Variants in CDH13 observed in about 807,000 individuals in gnomAD.
CDH13 encodes cadherin-13.
In CDH13, 24 loss-of-function variants were observed where a neutral mutation model predicts 63.8. The ratio of observed to expected loss-of-function variants is 0.38; its 90% confidence interval spans 0.27 to 0.53. The LOEUF is 0.53. CDH13 is among the 20% of genes least tolerant of loss of function. CDH13 has a pLI of 0.85. For missense variants in CDH13, 1,049 were observed against 903.1 expected, an observed-to-expected ratio of 1.16 and a Z score of -2.07; for synonymous variants, 503 against 355.3, an observed-to-expected ratio of 1.42 and a Z score of -4.67.
chr16:83,057,050 T>C (rs778340266), intron 3 of CDH13, among the ~76,000 whole-genome samples: 2 of 152,198 alleles, frequency 1.3e-5, no homozygotes, highest in African/African-American at 2.4e-5. Context: ...CACTGCAACC[T>C]CTGACTCCCT....
intron 2 of CDH13, among the ~76,000 whole-genome samples, chr16:82,963,804 A>G (rs1484372046): frequency 1.3e-5 from 2 of 152,188 alleles, no homozygotes; most frequent in Admixed American, 1.3e-4. Context: ...CGGGAAGCCC[A>G]GGGGAACAGC....
intron 8 of CDH13, among the ~76,000 whole-genome samples, chr16:83,662,073 T>C (rs561440754): frequency 6.6e-6 from 1 of 152,248 alleles, no homozygotes; most frequent in East Asian, 1.9e-4. Flanking sequence ...AGGGGGACAT[T>C]AGTATCAGTC....
intron 8 of CDH13, among the ~76,000 whole-genome samples, chr16:83,626,218 C>T (rs554833231): frequency 1.3e-5 from 2 of 152,200 alleles, no homozygotes; most frequent in Non-Finnish European, 2.9e-5. Flanking sequence ...CCGCGTGTGC[C>T]GGTTTCATCT....
intron 1 of CDH13, among the ~76,000 whole-genome samples, chr16:82,638,352 C>T (rs1033514100): frequency 2.0e-5 from 3 of 152,200 alleles, no homozygotes; most frequent in African/African-American, 7.2e-5. Flanking sequence ...CCCTGCCCAG[C>T]CATTTACACA....
At chr16:82,810,182 A>G (rs746361042) in intron 1 of CDH13, among the ~76,000 whole-genome samples, 2 of 152,224 alleles carry the variant, frequency 1.3e-5, no homozygotes, top group African/African-American at 2.4e-5. Flanking sequence ...TCCAGAGACA[A>G]CATTTTGAAT....
intron 1 of CDH13, among the ~76,000 whole-genome samples, chr16:82,830,642 G>A (rs2549159): frequency 0.55 from 83,285 of 152,124 alleles, 23,876 homozygotes; most frequent in East Asian, 0.96. Flanking sequence ...TACCTGCTCA[G>A]TGTCTTCTCA....
At chr16:82,961,466 G>T (rs1173319750) in intron 2 of CDH13, among the ~76,000 whole-genome samples, 2 of 150,318 alleles carry the variant, frequency 1.3e-5, no homozygotes, top group Non-Finnish European at 3.0e-5. Flanking sequence ...GATGATTTGT[G>T]AAAGAGTTGA....
chr16:83,064,058 C>T (rs371187865), intron 3 of CDH13, among the ~76,000 whole-genome samples: 66 of 152,222 alleles, frequency 4.3e-4, no homozygotes, highest in South Asian at 3.1e-3. Flanking sequence ...AAAATATACA[C>T]TCTGGATTTA....
chr16:82,780,612 C>T (rs2035709215), intron 1 of CDH13, among the ~76,000 whole-genome samples: 2 of 152,120 alleles, frequency 1.3e-5, no homozygotes, highest in Non-Finnish European at 2.9e-5. Context: ...GAGTAGCATA[C>T]CTAATAGTGG....
At chr16:83,714,075 G>C (rs1426638582) in intron 10 of CDH13, among the ~76,000 whole-genome samples, 1 of 152,126 alleles carries the variant, frequency 6.6e-6, no homozygotes, top group Non-Finnish European at 1.5e-5. Context: ...CCAAAACTCT[G>C]GGGCAGTGAG....
chr16:82,773,067 G>A (rs1225982846), intron 1 of CDH13, among the ~76,000 whole-genome samples: 3 of 152,282 alleles, frequency 2.0e-5, no homozygotes, highest in African/African-American at 4.8e-5. Context: ...AAATCTCATC[G>A]AGGGATGGAA....
chr16:83,674,094 C>T (rs1332157376), intron 9 of CDH13, among the ~76,000 whole-genome samples: 1 of 152,240 alleles, frequency 6.6e-6, no homozygotes, highest in Admixed American at 6.5e-5. Flanking sequence ...ATGCTCTCTG[C>T]TGCTGTCCAC....
intron 7 of CDH13, among the ~76,000 whole-genome samples, chr16:83,548,425 C>T (rs183659349): frequency 1.9e-4 from 29 of 152,230 alleles, no homozygotes; most frequent in African/African-American, 6.7e-4. Context: ...GCAGCCCCTC[C>T]CCCAACAGCA....
chr16:83,186,084 TA>T (rs2038511143), intron 4 of CDH13, among the ~76,000 whole-genome samples: 2 of 21,724 alleles, frequency 9.2e-5, no homozygotes, highest in Non-Finnish European at 1.8e-4. Flanking sequence ...GGCATCTTTT[TA>T]TTTTATTTTA....
At chr16:83,666,824 C>G (rs958705881) in intron 8 of CDH13, among the ~76,000 whole-genome samples, 2 of 85,428 alleles carry the variant, frequency 2.3e-5, no homozygotes. Flanking sequence ...TCCACACATA[C>G]ACACACACAC....
intron 1 of CDH13, among the ~76,000 whole-genome samples, chr16:82,683,187 A>G (rs1252992581): frequency 6.6e-6 from 1 of 151,948 alleles, no homozygotes; most frequent in Non-Finnish European, 1.5e-5. Context: ...GTCTTACTAA[A>G]CCTTCCCTGT....
At chr16:83,305,809 G>A (rs2089861138) in intron 5 of CDH13, among the ~76,000 whole-genome samples, 1 of 152,142 alleles carries the variant, frequency 6.6e-6, no homozygotes, top group African/African-American at 2.4e-5. Flanking sequence ...CTACCTAGTA[G>A]GAGGCCAAAC....
At chr16:83,221,203 G>A (rs773192096) in intron 5 of CDH13, among the ~76,000 whole-genome samples, 1 of 152,068 alleles carries the variant, frequency 6.6e-6, no homozygotes, top group Non-Finnish European at 1.5e-5. Flanking sequence ...CCTTTCCTAG[G>A]AACTCTGCTT....
intron 7 of CDH13, among the ~76,000 whole-genome samples, chr16:83,561,949 A>T (rs1206352738): frequency 5.9e-5 from 9 of 152,236 alleles, no homozygotes; most frequent in Non-Finnish European, 1.0e-4. Flanking sequence ...AAAAATGGTT[A>T]GAGTCACAAA....
Sources: allele counts gnomAD v4.1 joint callset (sites outside exome capture counted in the v4.1 genomes callset), GRCh38; gene constraint gnomAD v4.1.1; transcripts MANE v1.5; gene names NCBI Gene and HGNC (gene_info 2026-07-23, HGNC 2026-07-21).